Variants in KLHL20 observed in about 807,000 individuals in gnomAD.
KLHL20 encodes the protein kelch-like protein 20.
KLHL20 carries 29 observed loss-of-function variants against 69.5 expected under a neutral mutation model. The observed-to-expected ratio is 0.42, with a 90% CI of 0.31 to 0.57. The LOEUF (loss-of-function observed/expected upper bound fraction) is 0.57. Ranked by LOEUF, KLHL20 falls within the 20% of genes least tolerant of loss-of-function variation. The pLI is 0.18. For missense variants in KLHL20, 419 were observed against 776.0 expected, an observed-to-expected ratio of 0.54 and a Z score of 5.47; for synonymous variants, 253 against 265.2, an observed-to-expected ratio of 0.95 and a Z score of 0.45.
chr1:173,729,729 A>G (rs1213137350), intron 2 of KLHL20, among the ~76,000 whole-genome samples: 1 of 152,194 alleles, frequency 6.6e-6, no homozygotes. Context: ...ATCTCAAAAT[A>G]ATAAGATCTA....
At chr1:173,745,980 C>A (rs1673041821) in intron 3 of KLHL20, among the ~76,000 whole-genome samples, 2 of 151,992 alleles carry the variant, frequency 1.3e-5, no homozygotes, top group African/African-American at 2.4e-5. Flanking sequence ...AAAAAGTATT[C>A]ATGTCCAACA....
At chr1:173,772,556 T>C (rs769934125) in intron 8 of KLHL20, among the ~76,000 whole-genome samples, 1 of 152,220 alleles carries the variant, frequency 6.6e-6, no homozygotes, top group Non-Finnish European at 1.5e-5. Flanking sequence ...TATTATTATA[T>C]TGATTAACCA....
At chr1:173,744,412 C>T (rs1462332420) in intron 3 of KLHL20, among the ~76,000 whole-genome samples, 1 of 152,018 alleles carries the variant, frequency 6.6e-6, no homozygotes, top group Admixed American at 6.5e-5. Flanking sequence ...ATACATGTCA[C>T]AAATATTTTT....
chr1:173,724,542 T>C (rs552344560), intron 2 of KLHL20, among the ~76,000 whole-genome samples: 1 of 152,366 alleles, frequency 6.6e-6, no homozygotes, highest in Non-Finnish European at 1.5e-5. Flanking sequence ...AATGTGATCA[T>C]ACAAAAATCC....
Position 173,757,988 on chromosome 1 carries a change from G to A in KLHL20, c.1151+829G>A, listed in dbSNP as rs531786966. 4.6e-5 allele frequency among the ~76,000 whole-genome samples: 7 copies of A among 152,174 alleles called. No individual in the cohort carries two copies. In the East Asian group the frequency reaches 1.2e-3, roughly 25 times the overall value. On this transcript the variant is annotated intron_variant, in intron 7 of 11. Transcript: ENST00000209884. ...TGTTTCCATAACACATCTATGAAAC[G>A]CTGCCGCATATCAAGTTCTAAAGAT...
At position 173,734,535 on chromosome 1, in the gene KLHL20, A is replaced by T. The variant is rs74126407; in HGVS notation, c.597+249A>T. ...AAAAGTATTTAAAAAAAAATTTTTA[A>T]AAAGGTTTATTTATAAGCCAAAATA... On this transcript the variant is annotated intron_variant, in intron 3 of 11. Transcript: ENST00000209884. The T allele has an allele frequency of 6.4e-3, 2,937 of 457,154 alleles. 19 individuals are homozygous for T. The highest frequency in any genetic ancestry group is 0.021 in the African/African-American group (1,047 of 50,920). The allele number at this position is 457,154 out of a possible 1,614,324, so 28.3% of individuals were successfully genotyped here. A position where few individuals can be genotyped will look rare whatever the true frequency, so the allele number is the denominator to read the frequency against.
chr1:173,780,360 A>G (rs973683980), intron 10 of KLHL20, among the ~76,000 whole-genome samples: 3 of 152,246 alleles, frequency 2.0e-5, no homozygotes, highest in Admixed American at 2.0e-4. Context: ...ATAGAAGAAC[A>G]TAGGAGAATG....
At chr1:173,730,174 A>T (rs1672192133) in intron 2 of KLHL20, among the ~76,000 whole-genome samples, 1 of 152,208 alleles carries the variant, frequency 6.6e-6, no homozygotes, top group Non-Finnish European at 1.5e-5. Flanking sequence ...GATGTGAAGG[A>T]TCTCTTCAAG....
intron 8 of KLHL20, among the ~76,000 whole-genome samples, chr1:173,773,469 A>G (rs1648241564): frequency 1.3e-5 from 2 of 150,844 alleles, no homozygotes; most frequent in African/African-American, 2.4e-5. Flanking sequence ...ATTTTTTTAA[A>G]TGTAATGTTA....
intron 3 of KLHL20, among the ~76,000 whole-genome samples, chr1:173,743,540 A>ATTT (rs1672926413): frequency 6.0e-5 from 9 of 149,786 alleles, no homozygotes; most frequent in East Asian, 1.9e-4. Flanking sequence ...GGTGATTTTA[A>ATTT]AAAAAAAAAA....
chr1:173,757,267 C>CT (rs1286886226), intron 7 of KLHL20, 108 bp downstream of exon 7: 1 of 1,074,150 alleles, frequency 9.3e-7, no homozygotes, highest in Non-Finnish European at 1.3e-6. Context: ...ATCTGTGGCA[C>CT]TAGTTGGCAA....
intron 2 of KLHL20, among the ~76,000 whole-genome samples, chr1:173,728,383 C>A (rs1672084529): frequency 6.6e-6 from 1 of 152,162 alleles, no homozygotes; most frequent in African/African-American, 2.4e-5. Flanking sequence ...CAGCTCTGCA[C>A]CAAGTGGACC....
chr1:173,751,414 A>G (rs772809023), intron 3 of KLHL20, among the ~76,000 whole-genome samples: 4 of 152,210 alleles, frequency 2.6e-5, no homozygotes, highest in African/African-American at 7.2e-5. Flanking sequence ...CTATTCAGCA[A>G]CTAATCTTCT....
chr1:173,716,116 T>G, intron 2 of KLHL20, 50 bp downstream of exon 2: 2 of 1,573,604 alleles, frequency 1.3e-6, no homozygotes, highest in Non-Finnish European at 1.7e-6. Context: ...AAATTCAGCA[T>G]GTAATAATTT....
At chr1:173,742,121 A>T (rs904191403) in intron 3 of KLHL20, among the ~76,000 whole-genome samples, 20 of 152,332 alleles carry the variant, frequency 1.3e-4, no homozygotes, top group African/African-American at 4.6e-4. Flanking sequence ...CCCCTTAAAC[A>T]TATGAAATAT....
chr1:173,783,007 A>C (rs2102543599), intron 11 of KLHL20, among the ~76,000 whole-genome samples: 1 of 152,348 alleles, frequency 6.6e-6, no homozygotes, highest in South Asian at 2.1e-4. Flanking sequence ...AGATGCCCTA[A>C]AAAGCCAAAT....
chr1:173,737,082 T>C (rs1332877753), intron 3 of KLHL20, among the ~76,000 whole-genome samples: 2 of 152,234 alleles, frequency 1.3e-5, no homozygotes, highest in African/African-American at 2.4e-5. Context: ...ATTTGTTTTT[T>C]TCCTTGGTGA....
chr1:173,773,089 T>C (rs1303342717), intron 8 of KLHL20, among the ~76,000 whole-genome samples: 1 of 152,150 alleles, frequency 6.6e-6, no homozygotes, highest in African/African-American at 2.4e-5. Flanking sequence ...TCCTCCCAAG[T>C]AGCTGGGACT....
At chr1:173,756,934 T>C (rs760319561) in intron 6 of KLHL20, 42 bp from the exon 7 acceptor site, 5 of 1,583,850 alleles carry the variant, frequency 3.2e-6, no homozygotes, top group Non-Finnish European at 4.3e-6. Flanking sequence ...CATTTTATGC[T>C]TCAGGATAGG....
Sources: gnomAD v4.1 joint callset for allele counts (sites outside exome capture counted in the v4.1 genomes callset) on GRCh38, gnomAD v4.1.1 for gene constraint, MANE v1.5 for transcripts, NCBI Gene and HGNC (gene_info 2026-07-23, HGNC 2026-07-21) for gene names.